TLK1: variants seen among roughly 807,000 people sequenced by gnomAD.
The protein encoded by TLK1 is tousled like kinase 1.
A neutral mutation model predicts 105.3 loss-of-function variants in TLK1; 24 were observed. The ratio of observed to expected loss-of-function variants is 0.23; its 90% CI spans 0.17 to 0.32. The LOEUF is 0.32. TLK1 is among the 10% of genes least tolerant of loss of function. The pLI, the probability that TLK1 is intolerant of heterozygous loss-of-function variation, is 1.00. For missense variants in TLK1, 558 were observed against 910.5 expected (o/e 0.61, Z 4.98); for synonymous variants, 321 against 310.4 (o/e 1.03, Z -0.36).
chr2:171,196,019 C>A (rs1303272135), intron 1 of TLK1, among the ~76,000 whole-genome samples: 5 of 107,848 alleles, frequency 4.6e-5, no homozygotes, highest in Non-Finnish European at 6.9e-5. Flanking sequence ...GCCTGAGTAA[C>A]AGAGTGAGAC....
intron 1 of TLK1, among the ~76,000 whole-genome samples, chr2:171,172,075 T>C (rs1692740949): frequency 6.6e-6 from 1 of 152,236 alleles, no homozygotes; most frequent in Non-Finnish European, 1.5e-5. Flanking sequence ...TACAATACTA[T>C]GCAGAAATGA....
At chr2:171,166,689 G>A (rs1692615872) in intron 1 of TLK1, among the ~76,000 whole-genome samples, 2 of 152,182 alleles carry the variant, frequency 1.3e-5, no homozygotes, top group Non-Finnish European at 2.9e-5. Flanking sequence ...TGTGAAAGAC[G>A]AAGATTCTCT....
At chr2:171,194,593 G>A (rs1008842768) in intron 1 of TLK1, among the ~76,000 whole-genome samples, 8 of 152,132 alleles carry the variant, frequency 5.3e-5, no homozygotes, top group African/African-American at 9.6e-5. Context: ...CGAGGCGGGC[G>A]GATCACGAGG....
At chr2:171,148,622 C>T (rs1691888770) in intron 1 of TLK1, among the ~76,000 whole-genome samples, 1 of 151,954 alleles carries the variant, frequency 6.6e-6, no homozygotes, top group South Asian at 2.1e-4. Flanking sequence ...GTGGCTCACA[C>T]CTGGAATCCC....
At chr2:171,066,973 T>C (rs1688027834) in intron 3 of TLK1, 1 of 1,536,080 alleles carries the variant, frequency 6.5e-7, no homozygotes, top group Admixed American at 2.1e-5. Context: ...GTGCTTGTAA[T>C]AGTCAAATTC....
Position 171,221,409 on chromosome 2 carries a change from G to A in TLK1, c.-6+9736C>T, listed in dbSNP as rs551032240. 2.6e-5 allele frequency among the ~76,000 whole-genome samples: 4 copies of A among 152,254 alleles called. No individual in the cohort carries two copies. The South Asian group carries it at 6.2e-4, about 24-fold the overall frequency. On this transcript the variant is annotated intron_variant, in intron 1 of 20. Transcript: ENST00000521943. Reference sequence around the variant, plus strand: ...TTAAAGGAGTGCCTATTGTGGTACTGCCCTGCACCTCACCGAAACTTCATG... The same window carrying A: ...TTAAAGGAGTGCCTATTGTGGTACTACCCTGCACCTCACCGAAACTTCATG...
At chr2:171,174,962 G>C (rs992280086) in intron 1 of TLK1, among the ~76,000 whole-genome samples, 3 of 152,028 alleles carry the variant, frequency 2.0e-5, no homozygotes, top group Admixed American at 1.3e-4. Flanking sequence ...TACAATCAAG[G>C]CTGGGTGAAG....
chr2:171,207,398 A>T (rs1184010577), intron 1 of TLK1, among the ~76,000 whole-genome samples: 6 of 152,238 alleles, frequency 3.9e-5, no homozygotes, highest in Non-Finnish European at 7.3e-5. Flanking sequence ...AGGAGGGATG[A>T]TTAAGCAGAT....
chr2:171,058,858 G>T (rs967189166), intron 4 of TLK1, among the ~76,000 whole-genome samples: 1 of 152,072 alleles, frequency 6.6e-6, no homozygotes, highest in Non-Finnish European at 1.5e-5. Flanking sequence ...CAGAATACAC[G>T]ATTTCTTCAA....
At chr2:171,175,180 C>T (rs1692797925) in intron 1 of TLK1, among the ~76,000 whole-genome samples, 1 of 152,048 alleles carries the variant, frequency 6.6e-6, no homozygotes, top group Admixed American at 6.5e-5. Context: ...CTGCAGTGAG[C>T]TATGATTGTG....
intron 2 of TLK1, among the ~76,000 whole-genome samples, chr2:171,109,658 A>G (rs1327772420): frequency 2.6e-5 from 4 of 152,224 alleles, no homozygotes; most frequent in African/African-American, 9.6e-5. Context: ...CCCAAGAGAA[A>G]TTAAAACATG....
chr2:171,017,459 T>C (rs561030916), intron 12 of TLK1, among the ~76,000 whole-genome samples: 1 of 152,296 alleles, frequency 6.6e-6, no homozygotes, highest in South Asian at 2.1e-4. Flanking sequence ...AATTGTGGCA[T>C]GGGGAGACTA....
chr2:171,209,925 C>T (rs1693580004), intron 1 of TLK1, among the ~76,000 whole-genome samples: 1 of 152,168 alleles, frequency 6.6e-6, no homozygotes, highest in Non-Finnish European at 1.5e-5. Context: ...GTTACCGCAG[C>T]CCTAGCAAAC....
intron 2 of TLK1, among the ~76,000 whole-genome samples, chr2:171,107,363 T>C (rs892096554): frequency 2.0e-5 from 3 of 152,210 alleles, no homozygotes; most frequent in African/African-American, 7.2e-5. Context: ...TCTGTAAGTA[T>C]ACTGCTCTTG....
chr2:171,188,563 G>A (rs574862717), intron 1 of TLK1, among the ~76,000 whole-genome samples: 48 of 152,202 alleles, frequency 3.2e-4, no homozygotes, highest in African/African-American at 7.7e-4. Flanking sequence ...AAAATTAGCC[G>A]GGTGTGGTGG....
intron 14 of TLK1, among the ~76,000 whole-genome samples, chr2:171,008,957 CACTTTTAGTG>C (rs1170878466): frequency 1.3e-5 from 2 of 152,164 alleles, no homozygotes; most frequent in African/African-American, 4.8e-5. Flanking sequence ...ATGCTAACTG[CACTTTTAGTG>C]ACTTTTAGAT....
intron 1 of TLK1, among the ~76,000 whole-genome samples, chr2:171,199,805 A>G (rs1388860549): frequency 6.6e-6 from 1 of 152,240 alleles, no homozygotes; most frequent in East Asian, 1.9e-4. Context: ...GAAATCAAGG[A>G]ATATAATGTT....
At chr2:171,194,002 A>G (rs1693212860) in intron 1 of TLK1, among the ~76,000 whole-genome samples, 1 of 152,114 alleles carries the variant, frequency 6.6e-6, no homozygotes, top group Non-Finnish European at 1.5e-5. Context: ...TACAGGTGTG[A>G]GCCACTGCAC....
intron 1 of TLK1, among the ~76,000 whole-genome samples, chr2:171,124,266 G>C (rs1042716011): frequency 9.2e-5 from 14 of 152,188 alleles, no homozygotes; most frequent in Admixed American, 5.2e-4. Flanking sequence ...AGTTGCCACT[G>C]AAATGACTTT....
Sources: gnomAD v4.1 joint callset for allele counts (sites outside exome capture counted in the v4.1 genomes callset) on GRCh38, gnomAD v4.1.1 for gene constraint, MANE v1.5 for transcripts, NCBI Gene and HGNC (gene_info 2026-07-23, HGNC 2026-07-21) for gene names.